Variants in SLC35D2 observed in about 807,000 individuals in gnomAD.
The protein encoded by SLC35D2 is nucleotide sugar transporter SLC35D2.
A neutral mutation model predicts 41.8 loss-of-function variants in SLC35D2; 43 were observed. The observed-to-expected ratio is 1.03, with a 90% confidence interval of 0.81 to 1.33. SLC35D2 has a LOEUF of 1.33. Ranked by LOEUF, SLC35D2 falls within the 40% of genes most tolerant of loss-of-function variation. The probability of loss-of-function intolerance (pLI) is 0.00; values close to 1 mark genes in which losing one functional copy is unlikely to be tolerated. For missense variants in SLC35D2, 380 were observed against 408.4 expected (o/e 0.93, Z 0.60); for synonymous variants, 150 against 163.9 (o/e 0.92, Z 0.65).
Position 96,363,592 on chromosome 9 carries a change from C to A in SLC35D2, c.279+872G>T, listed in dbSNP as rs73538940. Among the ~76,000 whole-genome samples the A allele has an allele frequency of 2.4e-3, 370 of 152,312 alleles. 1 individual carries two copies. The highest frequency in any genetic ancestry group is 8.3e-3 in the African/African-American group (345 of 41,574). On this transcript the variant is annotated intron_variant, in intron 3 of 11. Coordinates refer to ENST00000253270, the MANE Select transcript of SLC35D2 (RefSeq NM_007001.3). ...CATTCCACAGTCCACGAAGGAATGG[C>A]AGATTTTATGTTTCTAGTTCCAGGA...
At chr9:96,369,885 A>C (rs1396499088) in intron 1 of SLC35D2, among the ~76,000 whole-genome samples, 1 of 152,214 alleles carries the variant, frequency 6.6e-6, no homozygotes, top group Non-Finnish European at 1.5e-5. Flanking sequence ...CACCTGTCTC[A>C]GACAGTCTAA....
exon 12 of SLC35D2, chr9:96,313,982 C>T (rs1385039290): frequency 6.6e-6 from 1 of 152,644 alleles, no homozygotes; most frequent in Non-Finnish European, 1.5e-5. Context: ...TTGAGCATCT[C>T]TGGCTGGGCA....
intron 1 of SLC35D2, among the ~76,000 whole-genome samples, chr9:96,376,585 G>A (rs575758088): frequency 1.3e-5 from 2 of 152,162 alleles, no homozygotes; most frequent in Middle Eastern, 3.4e-3. Context: ...CTCCAGCCTG[G>A]GCAACAGAGA....
At chr9:96,335,212 G>A (rs1392489838) in intron 9 of SLC35D2, among the ~76,000 whole-genome samples, 1 of 152,188 alleles carries the variant, frequency 6.6e-6, no homozygotes, top group Non-Finnish European at 1.5e-5. Flanking sequence ...CCTTCAGTAT[G>A]GGAGAAGGTA....
intron 2 of SLC35D2, among the ~76,000 whole-genome samples, chr9:96,368,059 C>G (rs1004262000): frequency 6.6e-6 from 1 of 152,190 alleles, no homozygotes; most frequent in Non-Finnish European, 1.5e-5. Context: ...AAATAAGAAG[C>G]TGTTTTTCCC....
chr9:96,317,835 C>A (rs1375515066), downstream of SLC35D2, among the ~76,000 whole-genome samples: 3 of 149,264 alleles, frequency 2.0e-5, no homozygotes, highest in African/African-American at 7.5e-5. Flanking sequence ...ACCAACCTGA[C>A]CAACTGGTGA....
At chr9:96,364,689 A>G (rs974750420) in intron 2 of SLC35D2, 139 bp from the exon 3 acceptor site, 1 of 677,192 alleles carries the variant, frequency 1.5e-6, no homozygotes, top group African/African-American at 1.8e-5. Context: ...AGAAAAAAAT[A>G]ACTATTTCTT....
chr9:96,325,021 G>A (rs533833962), intron 9 of SLC35D2, among the ~76,000 whole-genome samples: 1 of 152,336 alleles, frequency 6.6e-6, no homozygotes, highest in South Asian at 2.1e-4. Context: ...TCAGCTGAGC[G>A]ATTGCTGCCT....
In SLC35D2 at chr9:96,360,152, A is replaced by G. The variant is rs1477315607; in HGVS notation, c.347+2T>C. 1.2e-6 allele frequency: 2 copies of G among 1,610,064 alleles called. No individual in the cohort carries two copies. The highest frequency in any genetic ancestry group is 3.3e-5 in the Admixed American group (2 of 59,876). The stretch of plus-strand genomic sequence containing the variant: ...TCCACCAGCCATTATCCTATACTCT[A>G]CCTTAATTTACTTGTGCTTGATAAT... On this transcript the variant is annotated splice_donor_variant, in intron 4 of 11. Transcript: ENST00000253270. LOFTEE classifies it high-confidence loss of function.
At chr9:96,361,465 T>C (rs60674627) in intron 3 of SLC35D2, among the ~76,000 whole-genome samples, 4,207 of 152,178 alleles carry the variant, frequency 0.028, 220 homozygotes, top group African/African-American at 0.096. Flanking sequence ...CACAGGAAGA[T>C]AGCTTAAGCC....
At chr9:96,358,107 T>TATATATAC (rs1564114171) in intron 4 of SLC35D2, among the ~76,000 whole-genome samples, 1 of 138,504 alleles carries the variant, frequency 7.2e-6, no homozygotes, top group African/African-American at 2.8e-5. Context: ...TATATATATA[T>TATATATAC]ACCTGCAATG....
chr9:96,325,044 A>C (rs1828458316), intron 9 of SLC35D2, among the ~76,000 whole-genome samples: 1 of 152,182 alleles, frequency 6.6e-6, no homozygotes. Flanking sequence ...GACGGAGGAG[A>C]TTGAAATAGA....
chr9:96,336,197 A>G (rs1314462180), intron 9 of SLC35D2, among the ~76,000 whole-genome samples: 1 of 152,192 alleles, frequency 6.6e-6, no homozygotes, highest in South Asian at 2.1e-4. Flanking sequence ...TAGTCACATA[A>G]TTATTTGAGG....
exon 12 of SLC35D2, among the ~76,000 whole-genome samples, chr9:96,313,762 G>C (rs566345574): frequency 5.9e-5 from 9 of 152,334 alleles, no homozygotes; most frequent in African/African-American, 2.2e-4. Flanking sequence ...CAGCCTCTCT[G>C]AGCCACTCGT....
At chr9:96,328,779 C>T (rs933210199) in intron 9 of SLC35D2, among the ~76,000 whole-genome samples, 3 of 152,186 alleles carry the variant, frequency 2.0e-5, no homozygotes, top group Non-Finnish European at 4.4e-5. Flanking sequence ...CCACCATCCA[C>T]AATGGTACCC....
chr9:96,342,067 C>G (rs1829353373), intron 8 of SLC35D2, among the ~76,000 whole-genome samples: 1 of 151,696 alleles, frequency 6.6e-6, no homozygotes, highest in Admixed American at 6.6e-5. Context: ...AGGAGACAAG[C>G]CTCTAGGACC....
chr9:96,353,087 CAAAAG>C (rs1340451617), intron 4 of SLC35D2, among the ~76,000 whole-genome samples: 1 of 149,506 alleles, frequency 6.7e-6, no homozygotes, highest in Non-Finnish European at 1.5e-5. Context: ...AGGTAATAAT[CAAAAG>C]AAAAAAAAAC....
rs1482183351 is a variant in SLC35D2, at chr9:96,345,359, G to C, written c.531C>G (p.Phe177Leu). ...AFNLEGYIFV[F>L]LNDIFTAANG... ...TTGCTGCTGTGAAGATATCATTCAG[G>C]AATACAAAAATATAGCCTTCTAAGT... The change falls in exon 7 of 12, where the codon TTC becomes TTG. Residue 177 changes from phenylalanine to leucine, a missense_variant. Coordinates refer to ENST00000253270, the MANE Select transcript of SLC35D2 (RefSeq NM_007001.3). The C allele has an allele frequency of 6.2e-7, 1 of 1,610,784 alleles. No individual in the cohort carries two copies. Among genetic ancestry groups the C allele is most frequent in the South Asian group, 1.1e-5 (1 of 90,732 alleles).
intron 11 of SLC35D2, 21 bp from the exon 12 acceptor site, chr9:96,321,362 G>A (rs776940142): frequency 1.3e-6 from 2 of 1,567,264 alleles, no homozygotes; most frequent in Middle Eastern, 1.7e-4. Flanking sequence ...AAAAAAAAGT[G>A]AAAATAAATG....
Sources: gnomAD v4.1 joint callset for allele counts (sites outside exome capture counted in the v4.1 genomes callset) on GRCh38, gnomAD v4.1.1 for gene constraint, MANE v1.5 for transcripts, NCBI Gene and HGNC (gene_info 2026-07-23, HGNC 2026-07-21) for gene names.